The following KCNQ1 variants were observed in gnomAD, a reference collection of about 807,000 sequenced individuals.
KCNQ1 encodes the protein potassium voltage-gated channel subfamily Q member 1.
In KCNQ1, 49 loss-of-function variants were observed where a neutral mutation model predicts 72.4. The observed-to-expected ratio is 0.68, with a 90% CI of 0.54 to 0.86. The LOEUF (loss-of-function observed/expected upper bound fraction) is 0.86. KCNQ1 is among the 40% of genes least tolerant of loss of function. KCNQ1 has a pLI of 0.00. For missense variants in KCNQ1, 790 were observed against 945.1 expected, an observed-to-expected ratio of 0.84 and a Z score of 2.15; for synonymous variants, 450 against 412.6, an observed-to-expected ratio of 1.09 and a Z score of -1.10.
intron 1 of KCNQ1, among the ~76,000 whole-genome samples, chr11:2,448,299 C>G (rs1267057865): frequency 6.6e-6 from 1 of 152,250 alleles, no homozygotes; most frequent in Admixed American, 6.5e-5. Context: ...AAGTCTGGCT[C>G]AGCAGCCCCT....
intron 15 of KCNQ1, among the ~76,000 whole-genome samples, chr11:2,843,066 TG>T (rs908471833): frequency 3.9e-5 from 6 of 152,168 alleles, no homozygotes; most frequent in African/African-American, 1.4e-4. Flanking sequence ...TGCAGCAGTG[TG>T]GGGGGTTCTG....
In KCNQ1 at chr11:2,762,262, T is replaced by G. The variant is rs944508087; in HGVS notation, c.1515-6582T>G. On this transcript the variant is annotated intron_variant, in intron 11 of 15. Transcript: ENST00000155840. The surrounding 1 kb of genome is among the most constrained non-coding windows in gnomAD (Gnocchi z 4.3). ...AGTTTTCTGTTACAGTTCATACTGT[T>G]TGCGTTCCTTTAAAGACGTCTTTGC... Among the ~76,000 whole-genome samples the G allele has an allele frequency of 2.0e-5, 3 of 152,192 alleles. No homozygotes were observed. Among genetic ancestry groups the G allele is most frequent in the African/African-American group, 7.2e-5 (3 of 41,440 alleles).
intron 1 of KCNQ1, among the ~76,000 whole-genome samples, chr11:2,506,951 T>C (rs994966078): frequency 6.6e-6 from 1 of 152,382 alleles, no homozygotes. Context: ...AAGTCATTTA[T>C]ATTGTGGGAA....
chr11:2,695,977 T>C lies in KCNQ1; in HGVS notation c.1514+33896T>C, dbSNP rs1850669714. Reference sequence around the variant, plus strand: ...CTCAGCTTTAATTGTTTCAAATATCTTGTAATGAGTCATGGCAAAGTTACA... The same window carrying C: ...CTCAGCTTTAATTGTTTCAAATATCCTGTAATGAGTCATGGCAAAGTTACA... On this transcript the variant is annotated intron_variant, in intron 11 of 15. Transcript: ENST00000155840. The surrounding 1 kb of genome is among the most constrained non-coding windows in gnomAD (Gnocchi z 5.2). The C allele has an allele frequency of 2.5e-6, 1 of 398,508 alleles. No individual in the cohort carries two copies. The highest frequency in any genetic ancestry group is 4.4e-6 in the Non-Finnish European group (1 of 226,074). The allele number at this position is 398,508 out of a possible 1,614,324, so 24.7% of individuals were successfully genotyped here.
chr11:2,652,148 C>G lies in KCNQ1; in HGVS notation c.1394-9813C>G, dbSNP rs185446735. The G allele has an allele frequency of 2.5e-6, 1 of 398,492 alleles. No homozygotes were observed. Among genetic ancestry groups the G allele is most frequent in the South Asian group, 1.3e-4 (1 of 7,856 alleles). 24.7% of individuals were successfully genotyped at this position (398,492 alleles called of 1,614,324 possible). A position where few individuals can be genotyped will look rare whatever the true frequency, so the allele number is the denominator to read the frequency against. The stretch of plus-strand genomic sequence containing the variant: ...GGAAGGGACCTGTGTTTCTCAAGCC[C>G]GCGCCCTCGGGGCCTGGGGGTGGGG... On this transcript the variant is annotated intron_variant, in intron 10 of 15. Coordinates refer to ENST00000155840, the MANE Select transcript of KCNQ1 (RefSeq NM_000218.3). This position sits in a 1 kb window ranked among gnomAD's most constrained non-coding sequence, Gnocchi z 5.9.
chr11:2,510,941 C>G (rs1182133145), intron 1 of KCNQ1, among the ~76,000 whole-genome samples: 1 of 152,236 alleles, frequency 6.6e-6, no homozygotes, highest in Non-Finnish European at 1.5e-5. Flanking sequence ...CTGTCCCTAG[C>G]TCTCTACCCG....
rs1426582510 is a variant in KCNQ1, at chr11:2,828,112, G to T, written c.1795-19655G>T. Among the ~76,000 whole-genome samples, 2 of 152,214 alleles carry T rather than the reference G, an allele frequency of 1.3e-5. No individual in the cohort carries two copies. The highest frequency in any genetic ancestry group is 4.8e-5 in the African/African-American group (2 of 41,458). ...CCAGCAGGGAAGGGGCCACAGCCGG[G>T]ACTCAGAGGAGGCAGCCACGTGCAG... On this transcript the variant is annotated intron_variant, in intron 15 of 15. Transcript: ENST00000155840. This position sits in a 1 kb window ranked among gnomAD's most constrained non-coding sequence, Gnocchi z 5.3.
chr11:2,683,491 T>A lies in KCNQ1; in HGVS notation c.1514+21410T>A. 2 of 398,638 alleles carry A rather than the reference T, an allele frequency of 5.0e-6. No homozygotes were observed. Among genetic ancestry groups the A allele is most frequent in the Admixed American group, 4.4e-5 (1 of 22,742 alleles). 24.7% of individuals were successfully genotyped at this position (398,638 alleles called of 1,614,324 possible). Reference sequence around the variant, plus strand: ...CAATGACAGTTTTCCTATTAAAACATAACTTGTTAAAGCATAGAGCTTAGT... The same window carrying A: ...CAATGACAGTTTTCCTATTAAAACAAAACTTGTTAAAGCATAGAGCTTAGT... On this transcript the variant is annotated intron_variant, in intron 11 of 15. Coordinates refer to ENST00000155840, the MANE Select transcript of KCNQ1 (RefSeq NM_000218.3). This position sits in a 1 kb window ranked among gnomAD's most constrained non-coding sequence, Gnocchi z 4.7.
At chr11:2,727,482 C>T (rs533459094) in intron 11 of KCNQ1, among the ~76,000 whole-genome samples, 4 of 152,096 alleles carry the variant, frequency 2.6e-5, no homozygotes, top group Non-Finnish European at 4.4e-5. Flanking sequence ...ACCCCAGACT[C>T]GAGGAATAAA....
intron 15 of KCNQ1, among the ~76,000 whole-genome samples, chr11:2,823,057 G>C (rs528847057): frequency 3.9e-4 from 60 of 152,178 alleles, no homozygotes; most frequent in Non-Finnish European, 7.8e-4. Flanking sequence ...CCTGCTATTG[G>C]AAGTTCCAGA....
chr11:2,846,605 C>T (rs945674837), intron 15 of KCNQ1, among the ~76,000 whole-genome samples: 1 of 152,198 alleles, frequency 6.6e-6, no homozygotes, highest in Admixed American at 6.5e-5. Flanking sequence ...CCCTAGTCTG[C>T]CCCTGGGGTT....
rs1554914265 is a variant in KCNQ1, at chr11:2,733,848, T to TCG, written c.1515-34995_1515-34994insGC. Among the ~76,000 whole-genome samples the TCG allele has an allele frequency of 4.7e-4, 17 of 36,196 alleles. 1 individual carries two copies. Among genetic ancestry groups the TCG allele is most frequent in the African/African-American group, 3.7e-3 (17 of 4,608 alleles). The allele number at this position is 36,196 out of a possible 152,430, so 23.7% of individuals were successfully genotyped here. A position where few individuals can be genotyped will look rare whatever the true frequency, so the allele number is the denominator to read the frequency against. Reference sequence around the variant, plus strand: ...CTCTCTCTCTCTCTCTCTCTCTCTCTCTCTCTCTCCCCCCCCACTTCAGGG... The same window carrying TCG: ...CTCTCTCTCTCTCTCTCTCTCTCTCTCGCTCTCTCTCCCCCCCCACTTCAGGG... On this transcript the variant is annotated intron_variant, in intron 11 of 15. Transcript: ENST00000155840.
intron 15 of KCNQ1, among the ~76,000 whole-genome samples, chr11:2,802,995 C>T (rs1439776974): frequency 6.6e-6 from 1 of 152,206 alleles, no homozygotes; most frequent in Non-Finnish European, 1.5e-5. Context: ...CTCCACTTCG[C>T]CACCCAGAGG....
chr11:2,645,443 G>A lies in KCNQ1; in HGVS notation c.1394-16518G>A, dbSNP rs1849651683. On this transcript the variant is annotated intron_variant, in intron 10 of 15. Transcript: ENST00000155840. The surrounding 1 kb of genome is among the most constrained non-coding windows in gnomAD (Gnocchi z 5.8). ...AGTAATGCAAGAATGTACTGACTGT[G>A]GTAGGCAGGCACAGGAAGATCCCTG... is the stretch of plus-strand genomic sequence containing the variant. 1 of 398,530 alleles carries A rather than the reference G, an allele frequency of 2.5e-6. No homozygotes were observed. The highest frequency in any genetic ancestry group is 4.4e-6 in the Non-Finnish European group (1 of 226,128). 24.7% of individuals were successfully genotyped at this position (398,530 alleles called of 1,614,324 possible). A position where few individuals can be genotyped will look rare whatever the true frequency, so the allele number is the denominator to read the frequency against.
Position 2,593,686 on chromosome 11 carries a change from T to C in KCNQ1, c.1393+4832T>C, listed in dbSNP as rs894697981. Among the ~76,000 whole-genome samples the C allele has an allele frequency of 3.3e-5, 5 of 152,188 alleles. No individual in the cohort carries two copies. Among genetic ancestry groups the C allele is most frequent in the African/African-American group, 4.8e-5 (2 of 41,452 alleles). ...GTGTGCTTTCTGGAGGCATGCGTCA[T>C]GGAACAGCCTCACCTCTCACTTCTG... On this transcript the variant is annotated intron_variant, in intron 10 of 15. Coordinates refer to ENST00000155840, the MANE Select transcript of KCNQ1 (RefSeq NM_000218.3). This position sits in a 1 kb window ranked among gnomAD's most constrained non-coding sequence, Gnocchi z 6.9.
intron 10 of KCNQ1, chr11:2,646,555 T>C (rs1053219468): frequency 2.3e-5 from 9 of 398,548 alleles, no homozygotes; most frequent in Non-Finnish European, 4.0e-5. Flanking sequence ...AGACAGGGTC[T>C]CACTCTGTTG....
At chr11:2,519,710 C>CA (rs1847347899) in intron 1 of KCNQ1, among the ~76,000 whole-genome samples, 1 of 152,136 alleles carries the variant, frequency 6.6e-6, no homozygotes, top group South Asian at 2.1e-4. Context: ...TTTAAGAATT[C>CA]AAAATCTACC....
chr11:2,487,095 T>C (rs961858794), intron 1 of KCNQ1, among the ~76,000 whole-genome samples: 3 of 152,246 alleles, frequency 2.0e-5, no homozygotes, highest in African/African-American at 4.8e-5. Context: ...TGCATGTGGA[T>C]TTCCAGTTTT....
chr11:2,709,288 G>GC, intron 11 of KCNQ1, among the ~76,000 whole-genome samples: 1 of 127,992 alleles, frequency 7.8e-6, no homozygotes, highest in Non-Finnish European at 1.5e-5. Flanking sequence ...TGGGCTTTCA[G>GC]CATGAGAAAT....
Sources: allele counts gnomAD v4.1 joint callset (sites outside exome capture counted in the v4.1 genomes callset), GRCh38; gene constraint gnomAD v4.1.1; non-coding constraint Gnocchi (gnomAD v3.1); transcripts MANE v1.5; gene names NCBI Gene and HGNC (gene_info 2026-07-23, HGNC 2026-07-21).